ATP2B2: variants seen among roughly 807,000 people sequenced by gnomAD.
The protein encoded by ATP2B2 is plasma membrane calcium-transporting ATPase 2.
ATP2B2 carries 15 observed loss-of-function variants against 120.0 expected under a neutral mutation model. The observed-to-expected ratio is 0.12, with a 90% CI of 0.08 to 0.19. ATP2B2 has a LOEUF of 0.19. ATP2B2 is among the 10% of genes least tolerant of loss of function. ATP2B2 has a pLI of 1.00. For synonymous variants in ATP2B2, 694 were observed against 700.3 expected, an observed-to-expected ratio of 0.99 and a Z score of 0.14; for missense variants, 1,045 against 1,719.8, an observed-to-expected ratio of 0.61 and a Z score of 6.94.
rs1384453929 is a variant in ATP2B2 at position 10,324,038 on chromosome 3, G to A, written c.*4776C>T. 6.6e-6 allele frequency: 1 copy of A among 152,082 alleles called. No homozygotes were observed. Among genetic ancestry groups the A allele is most frequent in the African/African-American group, 2.4e-5 (1 of 41,392 alleles). 9.4% of individuals were successfully genotyped at this position (152,082 alleles called of 1,614,324 possible). On this transcript the variant is annotated 3_prime_UTR_variant, in exon 23 of 23. Transcript: ENST00000360273. ...GTACCGTGTCTGCATTTCCACGTGT[G>A]CATTTATTGTTATTGCTCAGTATAG...
chr3:10,377,296 C>A (rs1439659086), intron 10 of ATP2B2, among the ~76,000 whole-genome samples: 2 of 152,294 alleles, frequency 1.3e-5, no homozygotes, highest in Admixed American at 1.3e-4. Flanking sequence ...GCCTCAGAGC[C>A]GGCTCCATCC....
intron 1 of ATP2B2, among the ~76,000 whole-genome samples, chr3:10,480,505 A>G (rs1195852192): frequency 6.6e-6 from 1 of 152,166 alleles, no homozygotes; most frequent in Non-Finnish European, 1.5e-5. Context: ...CTTCTGAAGC[A>G]CACAGGCTTT....
At chr3:10,696,191 C>T (rs1464590494) in intron 1 of ATP2B2, among the ~76,000 whole-genome samples, 1 of 152,202 alleles carries the variant, frequency 6.6e-6, no homozygotes, top group Non-Finnish European at 1.5e-5. Context: ...GGGTCAGCCT[C>T]CCACACACTT....
chr3:10,694,232 T>C (rs976116527), intron 1 of ATP2B2, among the ~76,000 whole-genome samples: 1 of 152,202 alleles, frequency 6.6e-6, no homozygotes, highest in Admixed American at 6.5e-5. Context: ...TTTATCACAT[T>C]ACCTTTGCAT....
At chr3:10,675,010 A>G (rs1238216751) in intron 1 of ATP2B2, among the ~76,000 whole-genome samples, 2 of 152,182 alleles carry the variant, frequency 1.3e-5, no homozygotes, top group Non-Finnish European at 2.9e-5. Context: ...CTTTCTTGCA[A>G]TATTGATATT....
At chr3:10,566,928 A>G (rs1435616371) in intron 2 of ATP2B2, among the ~76,000 whole-genome samples, 1 of 152,218 alleles carries the variant, frequency 6.6e-6, no homozygotes, top group Non-Finnish European at 1.5e-5. Flanking sequence ...ATACGTACAA[A>G]CAGGATTTCC....
At chr3:10,350,249 C>T (rs2060541404) in intron 15 of ATP2B2, 50 bp from the exon 16 acceptor site, 1 of 1,584,708 alleles carries the variant, frequency 6.3e-7, no homozygotes, top group South Asian at 1.1e-5. Context: ...GGGAGAGAAA[C>T]TGAGGCCTGG....
intron 2 of ATP2B2, among the ~76,000 whole-genome samples, chr3:10,593,487 G>T (rs1323230441): frequency 1.3e-5 from 2 of 152,188 alleles, no homozygotes; most frequent in African/African-American, 4.8e-5. Flanking sequence ...TTAACAAATG[G>T]TGCTGGGAAA....
chr3:10,374,856 A>G (rs1173270271), intron 11 of ATP2B2, among the ~76,000 whole-genome samples: 3 of 152,170 alleles, frequency 2.0e-5, no homozygotes, highest in Non-Finnish European at 1.5e-5. Context: ...CCTCTTTCCC[A>G]AGGGGAGGAG....
chr3:10,611,826 A>G (rs2069247471), intron 2 of ATP2B2, among the ~76,000 whole-genome samples: 1 of 152,168 alleles, frequency 6.6e-6, no homozygotes, highest in African/African-American at 2.4e-5. Context: ...TAGTTTTCTC[A>G]CCTGTAAAAT....
intron 1 of ATP2B2, among the ~76,000 whole-genome samples, chr3:10,627,511 C>T (rs1056079143): frequency 2.6e-5 from 4 of 152,156 alleles, no homozygotes; most frequent in African/African-American, 9.7e-5. Context: ...GCTCCTGCCA[C>T]TTCTTAGCTA....
intron 1 of ATP2B2, among the ~76,000 whole-genome samples, chr3:10,461,347 T>A (rs557234548): frequency 6.6e-6 from 1 of 152,306 alleles, no homozygotes; most frequent in South Asian, 2.1e-4. Flanking sequence ...AAGCCAGAGA[T>A]CTCTGTGAGG....
At chr3:10,606,364 T>C (rs943666702) in intron 2 of ATP2B2, among the ~76,000 whole-genome samples, 2 of 152,284 alleles carry the variant, frequency 1.3e-5, no homozygotes, top group Admixed American at 6.5e-5. Flanking sequence ...TTGTGTTTAA[T>C]AGATGGTGGC....
chr3:10,339,095 G>A (rs62240131), intron 21 of ATP2B2, among the ~76,000 whole-genome samples: 4,735 of 152,254 alleles, frequency 0.031, 187 homozygotes, highest in African/African-American at 0.086. Context: ...GCCTCAGGGG[G>A]CTCCCTGGGA....
At chr3:10,512,686 G>A (rs1352725649) in intron 3 of ATP2B2, among the ~76,000 whole-genome samples, 1 of 152,212 alleles carries the variant, frequency 6.6e-6, no homozygotes, top group African/African-American at 2.4e-5. Flanking sequence ...GGGGCTGCGG[G>A]CTCACTCCCT....
intron 2 of ATP2B2, among the ~76,000 whole-genome samples, chr3:10,619,273 C>T (rs540504765): frequency 6.6e-6 from 1 of 152,228 alleles, no homozygotes; most frequent in Admixed American, 6.5e-5. Context: ...TCCATCAACC[C>T]AAGACAGGGG....
At chr3:10,360,322 G>C (rs1457453236) in intron 12 of ATP2B2, among the ~76,000 whole-genome samples, 199 bp from the exon 13 acceptor site, 1 of 152,244 alleles carries the variant, frequency 6.6e-6, no homozygotes, top group Non-Finnish European at 1.5e-5. Flanking sequence ...GGTGAAAGGA[G>C]TGAAGCAAGA....
intron 2 of ATP2B2, among the ~76,000 whole-genome samples, chr3:10,611,609 C>T (rs779741407): frequency 5.3e-5 from 8 of 152,152 alleles, no homozygotes; most frequent in Non-Finnish European, 1.0e-4. Flanking sequence ...ATGGGACTCA[C>T]GTGTTCCACT....
chr3:10,478,125 A>T (rs750799702), intron 1 of ATP2B2, among the ~76,000 whole-genome samples: 5 of 152,188 alleles, frequency 3.3e-5, no homozygotes, highest in Non-Finnish European at 7.3e-5. Flanking sequence ...TCTAATAACT[A>T]GTGGTGCTGA....
Sources: gnomAD v4.1 joint callset for allele counts (sites outside exome capture counted in the v4.1 genomes callset) on GRCh38, gnomAD v4.1.1 for gene constraint, MANE v1.5 for transcripts, NCBI Gene and HGNC (gene_info 2026-07-23, HGNC 2026-07-21) for gene names.